INSL6: variants seen among roughly 807,000 people sequenced by gnomAD.
The protein encoded by INSL6 is insulin like 6.
INSL6 carries 16 observed loss-of-function variants against 9.4 expected under a neutral mutation model. That is an observed-to-expected ratio of 1.70 (90% CI 1.15 to 2.59). INSL6 has a LOEUF of 2.59. INSL6 is among the 30% of genes most tolerant of loss of function. The probability of loss-of-function intolerance (pLI) is 0.00; values close to 1 mark genes in which losing one functional copy is unlikely to be tolerated. For missense variants in INSL6, 391 were observed against 257.3 expected, an observed-to-expected ratio of 1.52 and a Z score of -3.56; for synonymous variants, 154 against 96.9, an observed-to-expected ratio of 1.59 and a Z score of -3.46.
chr9:5,149,833 G>C (rs1289747358), intron 2 of INSL6, among the ~76,000 whole-genome samples: 3 of 152,136 alleles, frequency 2.0e-5, no homozygotes, highest in Non-Finnish European at 4.4e-5. Context: ...ATCACATTAT[G>C]TGACTTCAAA....
chr9:5,093,533 A>ATGGCACTTTAATTCATTAATGCAAAT, the INSL6 span, among the ~76,000 whole-genome samples: 14 of 152,202 alleles, frequency 9.2e-5, no homozygotes, highest in Non-Finnish European at 1.5e-4. Context: ...AGAAGACCCC[A>ATGGCACTTTAATTCATTAATGCAAAT]TGGCACTTTA....
chr9:5,128,717 C>T (rs1824159821), intron 3 of INSL6, among the ~76,000 whole-genome samples: 1 of 151,984 alleles, frequency 6.6e-6, no homozygotes, highest in Admixed American at 6.5e-5. Flanking sequence ...TTCCAAGAGA[C>T]TTCTTTTCAT....
At chr9:5,114,394 T>G in the INSL6 span, 1 of 516,014 alleles carries the variant, frequency 1.9e-6, no homozygotes, top group Non-Finnish European at 3.8e-6. Flanking sequence ...ACCCTGCTGG[T>G]GGGCACCAGA....
chr9:5,029,808 G>C, the INSL6 span: 1 of 1,611,036 alleles, frequency 6.2e-7, no homozygotes, highest in Non-Finnish European at 8.5e-7. Flanking sequence ...ATCATAATAT[G>C]TTTGCTTTAA....
At chr9:5,008,480 G>C in the INSL6 span, among the ~76,000 whole-genome samples, 3 of 152,180 alleles carry the variant, frequency 2.0e-5, no homozygotes, top group Admixed American at 2.0e-4. Context: ...AGTTGTCTTG[G>C]ATAGTGGAAG....
At chr9:5,013,058 A>G in the INSL6 span, among the ~76,000 whole-genome samples, 8 of 152,360 alleles carry the variant, frequency 5.3e-5, no homozygotes, top group East Asian at 9.6e-4. Flanking sequence ...GACTGGATAT[A>G]GGGGTGAAAA....
chr9:5,028,098 G>A, the INSL6 span, among the ~76,000 whole-genome samples: 1 of 152,250 alleles, frequency 6.6e-6, no homozygotes, highest in African/African-American at 2.4e-5. Context: ...ATCTGTGAGA[G>A]GAAACACTGT....
At chr9:5,113,399 G>C in the INSL6 span, 1 of 116,646 alleles carries the variant, frequency 8.6e-6, no homozygotes, top group East Asian at 2.4e-4. Flanking sequence ...TTTTTTTAAG[G>C]AAAATAAAAA....
intron 2 of INSL6, among the ~76,000 whole-genome samples, chr9:5,138,782 T>C (rs543653079): frequency 5.3e-5 from 8 of 152,028 alleles, no homozygotes; most frequent in African/African-American, 1.4e-4. Flanking sequence ...TCTAAAAAAA[T>C]AGTTACCTAA....
At chr9:5,098,788 G>A in the INSL6 span, 3 of 151,816 alleles carry the variant, frequency 2.0e-5, no homozygotes, top group African/African-American at 4.8e-5. Flanking sequence ...CTGCCTCCCG[G>A]GTTCACGCCA....
chr9:5,003,861 AG>A, the INSL6 span, among the ~76,000 whole-genome samples: 3 of 152,020 alleles, frequency 2.0e-5, no homozygotes, highest in Non-Finnish European at 4.4e-5. Context: ...AGAGTGAGGA[AG>A]TTTGCTTTTA....
At chr9:5,054,394 A>T in the INSL6 span, among the ~76,000 whole-genome samples, 1 of 151,938 alleles carries the variant, frequency 6.6e-6, no homozygotes, top group Admixed American at 6.6e-5. The surrounding 1 kb of genome is among the most constrained non-coding windows in gnomAD (Gnocchi z 4.9). Flanking sequence ...CAAAATCTTA[A>T]AGTTTTATAC....
chr9:5,058,575 T>G, the INSL6 span, among the ~76,000 whole-genome samples: 2 of 152,162 alleles, frequency 1.3e-5, no homozygotes, highest in Non-Finnish European at 2.9e-5. Flanking sequence ...TACCTAGAAG[T>G]AGAATTGCTG....
chr9:5,078,189 A>T, the INSL6 span: 1 of 808,490 alleles, frequency 1.2e-6, no homozygotes, highest in South Asian at 2.4e-5. Context: ...CATGCCTCCA[A>T]ATTATTATAC....
chr9:5,086,664 A>C, the INSL6 span, among the ~76,000 whole-genome samples: 4 of 152,116 alleles, frequency 2.6e-5, no homozygotes, highest in African/African-American at 9.7e-5. Context: ...TGAACTCTAT[A>C]ATCCCATGTA....
the INSL6 span, chr9:5,080,627 A>G: frequency 2.5e-6 from 4 of 1,607,546 alleles, no homozygotes; most frequent in Non-Finnish European, 3.4e-6. Flanking sequence ...TATGAACCAG[A>G]TTTCAGGCCT....
At chr9:5,098,677 G>A in the INSL6 span, 3 of 151,852 alleles carry the variant, frequency 2.0e-5, no homozygotes, top group Admixed American at 2.0e-4. Flanking sequence ...TATAGACTAT[G>A]AAGAATTAAG....
the INSL6 span, among the ~76,000 whole-genome samples, chr9:5,102,720 G>T: frequency 6.6e-6 from 1 of 152,214 alleles, no homozygotes; most frequent in Non-Finnish European, 1.5e-5. Context: ...CAAGCCAGAA[G>T]AGAGTGGAGG....
the INSL6 span, among the ~76,000 whole-genome samples, chr9:5,079,689 C>T: frequency 6.6e-6 from 1 of 151,990 alleles, no homozygotes; most frequent in Admixed American, 6.5e-5. Flanking sequence ...CCTGTAATTC[C>T]AATGCTTTGG....
Sources: allele counts gnomAD v4.1 joint callset (sites outside exome capture counted in the v4.1 genomes callset), GRCh38; gene constraint gnomAD v4.1.1; non-coding constraint Gnocchi (gnomAD v3.1); transcripts MANE v1.5; gene names NCBI Gene and HGNC (gene_info 2026-07-23, HGNC 2026-07-21).